CMIP: variants seen among roughly 807,000 people sequenced by gnomAD.
The protein encoded by CMIP is c-Maf inducing protein, also known as C-Maf-inducing protein.
A neutral mutation model predicts 97.3 loss-of-function variants in CMIP; 13 were observed. The observed-to-expected ratio is 0.13, with a 90% CI of 0.09 to 0.21. The LOEUF (loss-of-function observed/expected upper bound fraction) is 0.21. CMIP is among the 10% of genes least tolerant of loss of function. CMIP has a pLI of 1.00. For synonymous variants in CMIP, 538 were observed against 436.3 expected (o/e 1.23, Z -2.91); for missense variants, 847 against 1,024.9 (o/e 0.83, Z 2.37).
chr16:81,670,628 G>T (rs950368815), intron 8 of CMIP, among the ~76,000 whole-genome samples: 4 of 148,574 alleles, frequency 2.7e-5, no homozygotes, highest in African/African-American at 2.5e-5. Context: ...TTTGGGGGGG[G>T]GGGGGGTGGT....
At position 81,495,248 on chromosome 16, in the gene CMIP, C is replaced by A; in HGVS notation, c.300+49707C>A. 3.1e-6 allele frequency: 4 copies of A among 1,310,586 alleles called. No homozygotes were observed. In the African/African-American group the frequency reaches 4.4e-5, roughly 15 times the overall value. 81.2% of individuals were successfully genotyped at this position (1,310,586 alleles called of 1,614,324 possible). Reference sequence around the variant, plus strand: ...TCTCAGTGAAACAGACACTGATGGTCAGAGTGGACCTCTCAGCCTGGGGGA... The same window carrying A: ...TCTCAGTGAAACAGACACTGATGGTAAGAGTGGACCTCTCAGCCTGGGGGA... On this transcript the variant is annotated intron_variant, in intron 1 of 20. Coordinates refer to ENST00000537098, the MANE Select transcript of CMIP (RefSeq NM_198390.3).
chr16:81,606,514 C>T (rs563180540), intron 1 of CMIP, among the ~76,000 whole-genome samples: 5 of 152,166 alleles, frequency 3.3e-5, no homozygotes, highest in African/African-American at 1.2e-4. Flanking sequence ...CAGCAAGACT[C>T]ACTCAGAGAG....
intron 13 of CMIP, among the ~76,000 whole-genome samples, chr16:81,693,836 C>A (rs1051052478): frequency 4.6e-5 from 7 of 152,182 alleles, no homozygotes; most frequent in African/African-American, 1.4e-4. Flanking sequence ...CTGGGCAGAG[C>A]AAGGAATCTG....
intron 1 of CMIP, chr16:81,495,201 A>G (rs2089467195): frequency 1.2e-6 from 1 of 818,846 alleles, no homozygotes; most frequent in Non-Finnish European, 1.7e-6. Flanking sequence ...CATCATCATC[A>G]TCATTACTGT....
intron 10 of CMIP, among the ~76,000 whole-genome samples, chr16:81,688,255 G>A (rs1425025985): frequency 6.6e-6 from 1 of 152,206 alleles, no homozygotes; most frequent in Non-Finnish European, 1.5e-5. Context: ...CTGCACACAG[G>A]AAGGAGGCTC....
At chr16:81,470,346 TG>T (rs1597455791) in intron 1 of CMIP, among the ~76,000 whole-genome samples, 1 of 152,220 alleles carries the variant, frequency 6.6e-6, no homozygotes, top group African/African-American at 2.4e-5. Context: ...ACGTGCAGCC[TG>T]CTGGCTGTGG....
intron 1 of CMIP, among the ~76,000 whole-genome samples, chr16:81,533,075 C>T (rs2090271023): frequency 6.6e-6 from 1 of 152,156 alleles, no homozygotes. Context: ...ATCATTCCAT[C>T]CATCCAAAAA....
intron 1 of CMIP, among the ~76,000 whole-genome samples, chr16:81,497,055 C>T (rs7191608): frequency 0.38 from 57,528 of 152,036 alleles, 11,054 homozygotes; most frequent in East Asian, 0.45. Context: ...GATGTCTAGG[C>T]GGAGAGGGAG....
At chr16:81,509,703 C>T (rs2089775675) in intron 1 of CMIP, among the ~76,000 whole-genome samples, 1 of 152,178 alleles carries the variant, frequency 6.6e-6, no homozygotes, top group African/African-American at 2.4e-5. Flanking sequence ...GGAATGCTGC[C>T]TGGATAACCC....
intron 1 of CMIP, among the ~76,000 whole-genome samples, chr16:81,596,919 C>T (rs1033397715): frequency 8.5e-5 from 13 of 152,226 alleles, no homozygotes; most frequent in African/African-American, 3.1e-4. Flanking sequence ...TGATGACATG[C>T]TTCTGTCCAG....
At chr16:81,574,164 G>A (rs755616493) in intron 1 of CMIP, among the ~76,000 whole-genome samples, 64 of 152,234 alleles carry the variant, frequency 4.2e-4, no homozygotes, top group Non-Finnish European at 3.4e-4. Flanking sequence ...ATCGTAGTAC[G>A]TTCTGTTGGG....
intron 1 of CMIP, among the ~76,000 whole-genome samples, chr16:81,494,364 C>T (rs1056308209): frequency 6.6e-6 from 1 of 152,226 alleles, no homozygotes; most frequent in Non-Finnish European, 1.5e-5. Flanking sequence ...GAAGCTTTCC[C>T]CAGAACTGGC....
intron 3 of CMIP, chr16:81,645,641 C>G: frequency 6.5e-7 from 1 of 1,531,554 alleles, no homozygotes; most frequent in Non-Finnish European, 8.7e-7. Flanking sequence ...GAGGACAGCG[C>G]TGGAGTGGCT....
intron 1 of CMIP, among the ~76,000 whole-genome samples, chr16:81,505,251 A>G (rs2089687256): frequency 6.6e-6 from 1 of 152,056 alleles, no homozygotes; most frequent in Admixed American, 6.5e-5. Context: ...CCACACCTAT[A>G]ATTTATAGGG....
intron 20 of CMIP, among the ~76,000 whole-genome samples, chr16:81,707,644 A>G (rs1908298471): frequency 6.6e-6 from 1 of 152,270 alleles, no homozygotes; most frequent in Non-Finnish European, 1.5e-5. Context: ...GCACTAGGCC[A>G]GCAAGTGAAA....
Position 81,697,054 on chromosome 16 carries a change from C to G in CMIP, c.1638+387C>G, listed in dbSNP as rs185153689. 2.5e-3 allele frequency: 582 copies of G among 231,044 alleles called. 3 individuals carry two copies. The highest frequency in any genetic ancestry group is 0.012 in the African/African-American group (539 of 43,378). 14.3% of individuals were successfully genotyped at this position (231,044 alleles called of 1,614,324 possible). On this transcript the variant is annotated intron_variant, in intron 14 of 20. Transcript: ENST00000537098. ...TGAGTGCCCAACGGGACCAGGGATT[C>G]TGGAAGGCACTGCAGGTCCACCAGC...
chr16:81,452,021 G>A (rs1190586050), intron 1 of CMIP, among the ~76,000 whole-genome samples: 1 of 152,198 alleles, frequency 6.6e-6, no homozygotes, highest in Non-Finnish European at 1.5e-5. Context: ...GTGTGGGGGA[G>A]GTGTTTGCTG....
intron 9 of CMIP, among the ~76,000 whole-genome samples, chr16:81,675,669 A>G (rs986499218): frequency 3.3e-5 from 5 of 152,206 alleles, no homozygotes; most frequent in Admixed American, 6.5e-5. Flanking sequence ...TGCACACTGA[A>G]TATGGAGGTC....
intron 13 of CMIP, among the ~76,000 whole-genome samples, chr16:81,694,362 A>G (rs1443949333): frequency 6.6e-6 from 1 of 152,184 alleles, no homozygotes. Context: ...AGCAGAGGAC[A>G]GGGGGAGTTC....
Sources: gnomAD v4.1 joint callset for allele counts (sites outside exome capture counted in the v4.1 genomes callset) on GRCh38, gnomAD v4.1.1 for gene constraint, MANE v1.5 for transcripts, NCBI Gene and HGNC (gene_info 2026-07-23, HGNC 2026-07-21) for gene names.